Variants in NRG3 observed in about 807,000 individuals in gnomAD.
NRG3 encodes the protein pro-neuregulin-3, membrane-bound isoform.
A neutral mutation model predicts 66.9 loss-of-function variants in NRG3; 31 were observed. The observed-to-expected ratio is 0.46, with a 90% CI of 0.35 to 0.63. NRG3 has a LOEUF of 0.63. Ranked by LOEUF, NRG3 falls within the 20% of genes least tolerant of loss-of-function variation. NRG3 has a pLI of 0.00. For synonymous variants in NRG3, 393 were observed against 359.4 expected (o/e 1.09, Z -1.06); for missense variants, 910 against 878.9 (o/e 1.04, Z -0.45).
intron 1 of NRG3, among the ~76,000 whole-genome samples, chr10:82,021,647 C>T (rs1201531233): frequency 6.6e-6 from 1 of 151,994 alleles, no homozygotes; most frequent in Non-Finnish European, 1.5e-5. Context: ...GTGGGATCCT[C>T]AAGAATTTTG....
chr10:82,153,043 C>G (rs2070897712), intron 1 of NRG3, among the ~76,000 whole-genome samples: 1 of 151,976 alleles, frequency 6.6e-6, no homozygotes, highest in Non-Finnish European at 1.5e-5. Context: ...ATCACCTTAT[C>G]TACTTATAAT....
chr10:81,930,500 C>T lies in NRG3; in HGVS notation c.823+54337C>T, dbSNP rs150497691. Among the ~76,000 whole-genome samples the T allele has an allele frequency of 5.1e-3, 756 of 147,764 alleles. 6 individuals carry two copies. Among genetic ancestry groups the T allele is most frequent in the African/African-American group, 0.018 (710 of 39,888 alleles). ...CTTCTTGTAGAATAAGGGCTTGTCA[C>T]TATTACCTGGAAAAAAAAAAAAAGA... On this transcript the variant is annotated intron_variant, in intron 1 of 8. Coordinates refer to ENST00000372141, the MANE Select transcript of NRG3 (RefSeq NM_001010848.4).
chr10:82,588,628 G>A lies in NRG3; in HGVS notation c.954-149949G>A, dbSNP rs376153248. Among the ~76,000 whole-genome samples, 584 of 151,986 alleles carry A rather than the reference G, an allele frequency of 3.8e-3. 7 individuals are homozygous for A. The highest frequency in any genetic ancestry group is 0.014 in the African/African-American group (567 of 41,436). On this transcript the variant is annotated intron_variant, in intron 2 of 8. Coordinates refer to ENST00000372141, the MANE Select transcript of NRG3 (RefSeq NM_001010848.4). ...AGCAATTCTCCTGCCTCAGCCTCCCGAGTAGCTGGGACCACAGGTGCCCAA... is the reference window on the plus strand; with the variant it reads ...AGCAATTCTCCTGCCTCAGCCTCCCAAGTAGCTGGGACCACAGGTGCCCAA...
intron 2 of NRG3, among the ~76,000 whole-genome samples, chr10:82,613,428 T>A (rs1427195855): frequency 2.6e-5 from 4 of 151,324 alleles, no homozygotes; most frequent in African/African-American, 4.8e-5. Flanking sequence ...TTAAAAAAAA[T>A]AATTAATTAA....
chr10:82,246,765 G>A (rs1484923313), intron 1 of NRG3, among the ~76,000 whole-genome samples: 2 of 149,548 alleles, frequency 1.3e-5, no homozygotes, highest in Non-Finnish European at 3.0e-5. Flanking sequence ...TATTTAGAAG[G>A]AGTTTTTTTT....
chr10:82,435,693 T>C (rs762539138), intron 2 of NRG3, among the ~76,000 whole-genome samples: 108 of 152,186 alleles, frequency 7.1e-4, no homozygotes, highest in Non-Finnish European at 9.6e-4. Context: ...TCTGCCTTAA[T>C]TTCATTATTT....
At chr10:82,256,102 C>T (rs901985386) in intron 1 of NRG3, among the ~76,000 whole-genome samples, 8 of 150,900 alleles carry the variant, frequency 5.3e-5, no homozygotes, top group African/African-American at 2.0e-4. Flanking sequence ...TTTTGTATTT[C>T]TAGTAGAGAT....
chr10:82,146,730 A>G (rs991198690), intron 1 of NRG3, among the ~76,000 whole-genome samples: 3 of 152,112 alleles, frequency 2.0e-5, no homozygotes, highest in Non-Finnish European at 2.9e-5. Context: ...AGAGTAACCC[A>G]TTACCTGTCT....
At chr10:82,438,929 GTT>G (rs555348295) in intron 2 of NRG3, among the ~76,000 whole-genome samples, 1 of 144,082 alleles carries the variant, frequency 6.9e-6, no homozygotes, top group African/African-American at 2.5e-5. Flanking sequence ...TGCTTATTAT[GTT>G]TTTTTTTTTT....
intron 3 of NRG3, among the ~76,000 whole-genome samples, chr10:82,788,214 C>G (rs1565316622): frequency 1.3e-5 from 2 of 152,038 alleles, no homozygotes; most frequent in African/African-American, 4.8e-5. Flanking sequence ...TTGGTTGATC[C>G]TATGTTGTAT....
At chr10:82,197,684 A>G (rs964959879) in intron 1 of NRG3, among the ~76,000 whole-genome samples, 3 of 152,196 alleles carry the variant, frequency 2.0e-5, no homozygotes, top group Admixed American at 6.5e-5. Flanking sequence ...AGATGTTGAA[A>G]GAGCATAGGA....
intron 1 of NRG3, among the ~76,000 whole-genome samples, chr10:81,957,196 G>A (rs117639780): frequency 0.019 from 2,840 of 152,220 alleles, 33 homozygotes; most frequent in Middle Eastern, 0.048. Flanking sequence ...TCACCACATG[G>A]AGGAAAGCTG....
intron 1 of NRG3, among the ~76,000 whole-genome samples, chr10:82,346,587 G>T (rs1307751502): frequency 6.6e-6 from 1 of 152,080 alleles, no homozygotes; most frequent in East Asian, 1.9e-4. Flanking sequence ...CATAAAACGA[G>T]TTAGGGAGGA....
chr10:82,836,341 T>A (rs1220039339), intron 3 of NRG3, among the ~76,000 whole-genome samples: 2 of 152,178 alleles, frequency 1.3e-5, no homozygotes, highest in Non-Finnish European at 2.9e-5. Flanking sequence ...GAATAGCAAC[T>A]GATAGTTTAC....
At chr10:82,851,321 G>T (rs1286626727) in intron 3 of NRG3, among the ~76,000 whole-genome samples, 1 of 152,070 alleles carries the variant, frequency 6.6e-6, no homozygotes, top group African/African-American at 2.4e-5. Flanking sequence ...ACGGAGCTTG[G>T]GGGTTGGGCA....
At chr10:82,113,823 C>A (rs2067533463) in intron 1 of NRG3, among the ~76,000 whole-genome samples, 1 of 152,092 alleles carries the variant, frequency 6.6e-6, no homozygotes, top group East Asian at 1.9e-4. Context: ...AGAATTATTG[C>A]AAAATACAGT....
intron 1 of NRG3, among the ~76,000 whole-genome samples, chr10:81,967,102 T>C (rs2059759969): frequency 6.6e-6 from 1 of 151,916 alleles, no homozygotes; most frequent in East Asian, 1.9e-4. Flanking sequence ...TGTTTTGATA[T>C]ATTTATATTT....
At chr10:82,505,305 C>T (rs1295421394) in intron 2 of NRG3, among the ~76,000 whole-genome samples, 2 of 152,192 alleles carry the variant, frequency 1.3e-5, no homozygotes, top group Non-Finnish European at 2.9e-5. Context: ...CTTTGAATAG[C>T]GGGAAGATCT....
At chr10:82,595,817 T>C (rs558543716) in intron 2 of NRG3, among the ~76,000 whole-genome samples, 53 of 152,052 alleles carry the variant, frequency 3.5e-4, no homozygotes, top group Non-Finnish European at 6.2e-4. Context: ...CTTTTAGTCA[T>C]ATTCGTTCAG....
Sources: gnomAD v4.1 joint callset for allele counts (sites outside exome capture counted in the v4.1 genomes callset) on GRCh38, gnomAD v4.1.1 for gene constraint, MANE v1.5 for transcripts, NCBI Gene and HGNC (gene_info 2026-07-23, HGNC 2026-07-21) for gene names.